Variants in CNTN5 observed in about 807,000 individuals in gnomAD.
CNTN5 encodes contactin 5, also known as contactin-5.
Under a neutral mutation model 129.1 loss-of-function variants are expected in CNTN5, and 77 were observed. That is an observed-to-expected ratio of 0.60 (90% confidence interval 0.50 to 0.72). The LOEUF (loss-of-function observed/expected upper bound fraction) is 0.72. CNTN5 is among the 30% of genes least tolerant of loss of function. CNTN5 has a pLI of 0.00. For synonymous variants in CNTN5, 509 were observed against 465.6 expected, an observed-to-expected ratio of 1.09 and a Z score of -1.20; for missense variants, 1,478 against 1,328.8, an observed-to-expected ratio of 1.11 and a Z score of -1.75.
At chr11:99,617,676 A>G (rs1315174118) in intron 3 of CNTN5, among the ~76,000 whole-genome samples, 1 of 152,156 alleles carries the variant, frequency 6.6e-6, no homozygotes, top group Non-Finnish European at 1.5e-5. Flanking sequence ...ATATATTACC[A>G]AATTCTGTGC....
In CNTN5 at chr11:99,265,696, T is replaced by A. The variant is rs142751252; in HGVS notation, c.-209-59650T>A. Reference sequence around the variant, plus strand: ...CTTCCCACCCAACTCATATTTATATTTATATATTTTATCTTAGAAAACAAA... The same window carrying A: ...CTTCCCACCCAACTCATATTTATATATATATATTTTATCTTAGAAAACAAA... On this transcript the variant is annotated intron_variant, in intron 1 of 24. Coordinates refer to ENST00000524871, the MANE Select transcript of CNTN5 (RefSeq NM_014361.4). Among the ~76,000 whole-genome samples the A allele has an allele frequency of 1.4e-4, 21 of 152,182 alleles. No individual in the cohort carries two copies. The East Asian group carries it at 3.7e-3, about 27-fold the overall frequency.
intron 1 of CNTN5, among the ~76,000 whole-genome samples, chr11:99,095,755 G>A (rs1249242329): frequency 6.6e-6 from 1 of 151,848 alleles, no homozygotes; most frequent in African/African-American, 2.4e-5. Context: ...TTTGGATAAA[G>A]ATTTAGCAGG....
At chr11:99,178,314 CCACACACACACACACACACACACACA>C (rs71046672) in intron 1 of CNTN5, among the ~76,000 whole-genome samples, 20 of 125,574 alleles carry the variant, frequency 1.6e-4, no homozygotes, top group African/African-American at 4.8e-4. Context: ...GACCTCATCT[CCACACACACACACACACACACACACA>C]CACACACACA....
At chr11:99,124,237 C>A (rs1444141997) in intron 1 of CNTN5, among the ~76,000 whole-genome samples, 1 of 151,940 alleles carries the variant, frequency 6.6e-6, no homozygotes, top group Admixed American at 6.6e-5. Context: ...TTGTGGAGAG[C>A]TTTCCTTTTC....
intron 2 of CNTN5, among the ~76,000 whole-genome samples, chr11:99,332,237 T>A (rs1866030212): frequency 1.3e-5 from 2 of 152,122 alleles, no homozygotes; most frequent in Admixed American, 1.3e-4. Flanking sequence ...GCATGCCCTA[T>A]GCTCCAAATT....
intron 7 of CNTN5, among the ~76,000 whole-genome samples, chr11:99,936,231 A>C (rs1234086767): frequency 1.3e-5 from 2 of 152,202 alleles, no homozygotes; most frequent in South Asian, 2.1e-4. Flanking sequence ...CAGGGGTTGC[A>C]GACATAAGCA....
intron 1 of CNTN5, among the ~76,000 whole-genome samples, chr11:99,095,805 G>A (rs777530657): frequency 1.1e-4 from 16 of 151,790 alleles, no homozygotes; most frequent in South Asian, 2.1e-4. Flanking sequence ...GAGCAGTCAG[G>A]AGCCACGAAC....
intron 2 of CNTN5, among the ~76,000 whole-genome samples, chr11:99,406,828 C>G (rs1158760330): frequency 1.3e-5 from 2 of 152,130 alleles, no homozygotes; most frequent in Admixed American, 1.3e-4. Flanking sequence ...CATACTGTGA[C>G]CACTGCCACA....
chr11:100,167,764 G>A (rs1265277574), intron 13 of CNTN5, among the ~76,000 whole-genome samples: 2 of 151,896 alleles, frequency 1.3e-5, no homozygotes, highest in Admixed American at 1.3e-4. Context: ...AAGATAGATG[G>A]CAGTAGTGGA....
chr11:100,155,651 C>T (rs565621027), intron 13 of CNTN5, among the ~76,000 whole-genome samples: 2 of 152,060 alleles, frequency 1.3e-5, no homozygotes, highest in Non-Finnish European at 2.9e-5. Flanking sequence ...CCTATCCATG[C>T]ACATGGAATG....
intron 1 of CNTN5, among the ~76,000 whole-genome samples, chr11:99,037,640 A>T (rs1863809887): frequency 7.7e-6 from 1 of 129,222 alleles, no homozygotes; most frequent in Non-Finnish European, 1.5e-5. Context: ...GATTGCAGTG[A>T]TGCGATCTCG....
intron 1 of CNTN5, among the ~76,000 whole-genome samples, chr11:99,136,603 CCAAT>C (rs1187952809): frequency 2.0e-5 from 3 of 152,122 alleles, no homozygotes. Context: ...CATTCTTTTA[CCAAT>C]CAAACATATT....
intron 8 of CNTN5, among the ~76,000 whole-genome samples, chr11:99,988,680 C>T (rs1219209612): frequency 4.6e-5 from 7 of 152,238 alleles, no homozygotes; most frequent in African/African-American, 1.7e-4. Context: ...GGGACCGAGT[C>T]CAAATCGTTC....
intron 2 of CNTN5, among the ~76,000 whole-genome samples, chr11:99,349,353 T>C (rs1938128696): frequency 6.6e-6 from 1 of 152,190 alleles, no homozygotes; most frequent in Non-Finnish European, 1.5e-5. Flanking sequence ...GGCAGAGATA[T>C]AGATAGATTG....
chr11:99,277,591 C>G (rs1319335306), intron 1 of CNTN5, among the ~76,000 whole-genome samples: 1 of 151,530 alleles, frequency 6.6e-6, no homozygotes, highest in Non-Finnish European at 1.5e-5. Context: ...CAAGAAGAGA[C>G]GTGTTTCTTT....
chr11:99,933,857 C>T (rs1464832235), intron 7 of CNTN5, among the ~76,000 whole-genome samples: 1 of 152,150 alleles, frequency 6.6e-6, no homozygotes, highest in East Asian at 1.9e-4. Context: ...ATGAATAAAG[C>T]TGCTATGGGA....
intron 15 of CNTN5, among the ~76,000 whole-genome samples, chr11:100,204,032 T>C (rs1026239465): frequency 6.6e-6 from 1 of 151,646 alleles, no homozygotes; most frequent in African/African-American, 2.4e-5. Flanking sequence ...TGAAGTCCTT[T>C]CCCAGTGCTT....
chr11:99,116,540 T>C (rs1205757117), intron 1 of CNTN5, among the ~76,000 whole-genome samples: 2 of 152,168 alleles, frequency 1.3e-5, no homozygotes, highest in Admixed American at 6.6e-5. Context: ...AGGCATGCAA[T>C]TGACCAACAA....
chr11:100,228,569 CA>C (rs1949427713), intron 16 of CNTN5, among the ~76,000 whole-genome samples: 1 of 152,176 alleles, frequency 6.6e-6, no homozygotes, highest in Admixed American at 6.5e-5. Context: ...CTTTTCACTG[CA>C]AAAGTAAAAT....
Sources: allele counts gnomAD v4.1 joint callset (sites outside exome capture counted in the v4.1 genomes callset), GRCh38; gene constraint gnomAD v4.1.1; transcripts MANE v1.5; gene names NCBI Gene and HGNC (gene_info 2026-07-23, HGNC 2026-07-21).